RPRD1B: variants seen among roughly 807,000 people sequenced by gnomAD.
RPRD1B encodes the protein regulation of nuclear pre-mRNA domain containing 1B.
Under a neutral mutation model 41.5 loss-of-function variants are expected in RPRD1B, and 11 were observed. The ratio of observed to expected loss-of-function variants is 0.27; its 90% CI spans 0.17 to 0.44. The LOEUF is 0.44. Ranked by LOEUF, RPRD1B falls within the 20% of genes least tolerant of loss-of-function variation. RPRD1B has a pLI of 1.00. For synonymous variants in RPRD1B, 158 were observed against 155.6 expected (o/e 1.02, Z -0.12); for missense variants, 248 against 389.9 (o/e 0.64, Z 3.06).
intron 5 of RPRD1B, chr20:38,065,866 C>T (rs60157881): frequency 2.1e-5 from 9 of 425,846 alleles, no homozygotes; most frequent in African/African-American, 1.6e-4. Context: ...GTACAGCTTC[C>T]TCACTTCAGG....
At chr20:38,073,975 C>T (rs1347957201) in intron 6 of RPRD1B, among the ~76,000 whole-genome samples, 4 of 152,170 alleles carry the variant, frequency 2.6e-5, no homozygotes, top group Admixed American at 2.6e-4. Flanking sequence ...GTCTGTCCTC[C>T]CTAGGCTGGC....
At chr20:38,072,964 A>C (rs1249723250) in intron 6 of RPRD1B, among the ~76,000 whole-genome samples, 4 of 152,264 alleles carry the variant, frequency 2.6e-5, no homozygotes, top group Non-Finnish European at 5.9e-5. Context: ...ACAGAACCTT[A>C]GAGATCATAT....
chr20:38,047,695 G>A (rs1054948626), intron 2 of RPRD1B, among the ~76,000 whole-genome samples: 7 of 151,966 alleles, frequency 4.6e-5, no homozygotes, highest in African/African-American at 1.7e-4. Context: ...TAACATGTCA[G>A]GGGAAAACAT....
intron 3 of RPRD1B, among the ~76,000 whole-genome samples, chr20:38,055,108 C>T (rs2122717881): frequency 6.6e-6 from 1 of 152,264 alleles, no homozygotes; most frequent in African/African-American, 2.4e-5. Context: ...TATGATTGTT[C>T]TGTGACTTTT....
intron 6 of RPRD1B, chr20:38,070,466 G>C: frequency 1.0e-6 from 1 of 985,566 alleles, no homozygotes; most frequent in Non-Finnish European, 1.2e-6. Context: ...AAGCCTTCCA[G>C]CTTCACTTCC....
chr20:38,080,862 C>T (rs2074506105), intron 6 of RPRD1B, among the ~76,000 whole-genome samples: 1 of 152,160 alleles, frequency 6.6e-6, no homozygotes, highest in African/African-American at 2.4e-5. Flanking sequence ...TACCCTGTTC[C>T]ATTGGTCTTT....
At chr20:38,077,718 G>C (rs2074477359) in intron 6 of RPRD1B, among the ~76,000 whole-genome samples, 1 of 152,044 alleles carries the variant, frequency 6.6e-6, no homozygotes, top group Non-Finnish European at 1.5e-5. Flanking sequence ...TGTCCCCCCT[G>C]GATCCTTGCA....
At chr20:38,062,107 A>C (rs545243346) in intron 5 of RPRD1B, among the ~76,000 whole-genome samples, 1 of 152,210 alleles carries the variant, frequency 6.6e-6, no homozygotes, top group African/African-American at 2.4e-5. Context: ...GGAGGAAGCA[A>C]CTGTGATAAG....
chr20:38,087,507 G>T (rs2074573041), intron 6 of RPRD1B, among the ~76,000 whole-genome samples: 2 of 152,202 alleles, frequency 1.3e-5, no homozygotes, highest in African/African-American at 4.8e-5. Flanking sequence ...GGTTGGTTCT[G>T]AGTCGAGGTG....
At chr20:38,059,299 T>G in intron 4 of RPRD1B, 95 bp from the exon 5 acceptor site, 1 of 1,300,622 alleles carries the variant, frequency 7.7e-7, no homozygotes, top group Non-Finnish European at 1.0e-6. Flanking sequence ...GGAATGACTG[T>G]TTTTAGAATT....
At chr20:38,047,841 G>C (rs1358027876) in intron 2 of RPRD1B, among the ~76,000 whole-genome samples, 1 of 152,142 alleles carries the variant, frequency 6.6e-6, no homozygotes, top group Admixed American at 6.6e-5. Flanking sequence ...TTATGCAGTG[G>C]TTAGAACTGG....
Position 38,090,088 on chromosome 20 carries a change from T to C in RPRD1B, c.*213T>C, listed in dbSNP as rs975477920. On this transcript the variant is annotated 3_prime_UTR_variant, in exon 7 of 7. Coordinates refer to ENST00000373433, the MANE Select transcript of RPRD1B (RefSeq NM_021215.4). Reference sequence around the variant, plus strand: ...GACTGGAATCTGGTTTATATTCATATTTGCAAAGACTACAGACTTTTTCTC... The same window carrying C: ...GACTGGAATCTGGTTTATATTCATACTTGCAAAGACTACAGACTTTTTCTC... 2 of 1,284,054 alleles carry C rather than the reference T, an allele frequency of 1.6e-6. No individual in the cohort carries two copies. The highest frequency in any genetic ancestry group is 2.0e-6 in the Non-Finnish European group (2 of 1,013,476). 79.5% of individuals were successfully genotyped at this position (1,284,054 alleles called of 1,614,324 possible). A position where few individuals can be genotyped will look rare whatever the true frequency, so the allele number is the denominator to read the frequency against.
chr20:38,058,092 A>C (rs1048719148), intron 4 of RPRD1B, among the ~76,000 whole-genome samples: 1 of 152,060 alleles, frequency 6.6e-6, no homozygotes, highest in Non-Finnish European at 1.5e-5. Context: ...ACAAGGAGTT[A>C]GTCTTTACCC....
intron 5 of RPRD1B, among the ~76,000 whole-genome samples, chr20:38,063,638 C>T (rs986682403): frequency 2.6e-5 from 4 of 152,066 alleles, no homozygotes; most frequent in African/African-American, 4.8e-5. Flanking sequence ...TAGTGGTTTT[C>T]TTAGGAGGGA....
rs143532994 is a variant in RPRD1B at position 38,078,771 on chromosome 20, G to A, written c.832-10955G>A. On this transcript the variant is annotated intron_variant, in intron 6 of 6. Transcript: ENST00000373433. ...AGCCTATAGCTTGATGGACTGACTGGACTATGGTACCACCAAGTTTAAAAA... is the reference window on the plus strand; with the variant it reads ...AGCCTATAGCTTGATGGACTGACTGAACTATGGTACCACCAAGTTTAAAAA... Among the ~76,000 whole-genome samples, 1,270 of 152,230 alleles carry A rather than the reference G, an allele frequency of 8.3e-3. 11 individuals carry two copies. Among genetic ancestry groups the A allele is most frequent in the African/African-American group, 0.025 (1,041 of 41,528 alleles).
chr20:38,055,985 C>T (rs879637385), intron 3 of RPRD1B, among the ~76,000 whole-genome samples: 2 of 152,162 alleles, frequency 1.3e-5, no homozygotes, highest in Non-Finnish European at 2.9e-5. Flanking sequence ...TGTCATTTAA[C>T]GAAGCCATGG....
At chr20:38,076,906 C>CATTTTTTTTTTTTT (rs2074466082) in intron 6 of RPRD1B, among the ~76,000 whole-genome samples, 1 of 63,512 alleles carries the variant, frequency 1.6e-5, no homozygotes, top group Non-Finnish European at 2.8e-5. Context: ...CATTCTGGAC[C>CATTTTTTTTTTTTT]TTTTTTTTTT....
At chr20:38,086,022 A>G (rs2074557710) in intron 6 of RPRD1B, among the ~76,000 whole-genome samples, 1 of 151,968 alleles carries the variant, frequency 6.6e-6, no homozygotes. Context: ...CATTTTTTGT[A>G]GATGGGGTTT....
intron 6 of RPRD1B, among the ~76,000 whole-genome samples, chr20:38,082,532 C>T (rs1056253317): frequency 2.0e-5 from 3 of 152,122 alleles, no homozygotes; most frequent in African/African-American, 7.2e-5. Context: ...GACTACAAGG[C>T]ACCTGCTACC....
Sources: allele counts gnomAD v4.1 joint callset (sites outside exome capture counted in the v4.1 genomes callset), GRCh38; gene constraint gnomAD v4.1.1; transcripts MANE v1.5; gene names NCBI Gene and HGNC (gene_info 2026-07-23, HGNC 2026-07-21).